EVA1A: variants seen among roughly 807,000 people sequenced by gnomAD.
EVA1A encodes the protein protein eva-1 homolog A.
EVA1A carries 7 observed loss-of-function variants against 9.8 expected under a neutral mutation model. The observed-to-expected ratio is 0.71, with a 90% CI of 0.41 to 1.34. The LOEUF (loss-of-function observed/expected upper bound fraction) is 1.34. Ranked by LOEUF, EVA1A falls within the 40% of genes most tolerant of loss-of-function variation. EVA1A has a pLI of 0.01. For missense variants in EVA1A, 206 were observed against 205.9 expected (o/e 1.00, Z 0.00); for synonymous variants, 90 against 85.6 (o/e 1.05, Z -0.28).
intron 1 of EVA1A, among the ~76,000 whole-genome samples, chr2:75,538,797 A>T (rs1676008800): frequency 6.6e-6 from 1 of 152,256 alleles, no homozygotes; most frequent in African/African-American, 2.4e-5. Flanking sequence ...TGACAAAATT[A>T]TAGAAATAGG....
chr2:75,559,295 A>T (rs1038948912), intron 1 of EVA1A, among the ~76,000 whole-genome samples: 1 of 152,212 alleles, frequency 6.6e-6, no homozygotes, highest in Non-Finnish European at 1.5e-5. Context: ...ACATTGCTGG[A>T]TGTCACTTGG....
chr2:75,555,625 G>A (rs906772406), intron 1 of EVA1A, among the ~76,000 whole-genome samples: 1 of 152,102 alleles, frequency 6.6e-6, no homozygotes, highest in Non-Finnish European at 1.5e-5. Flanking sequence ...GAGGAAACAA[G>A]GCCAGCAGAG....
intron 1 of EVA1A, among the ~76,000 whole-genome samples, chr2:75,567,817 T>G (rs977570721): frequency 2.0e-5 from 3 of 152,222 alleles, no homozygotes; most frequent in Non-Finnish European, 4.4e-5. Flanking sequence ...GTCGGTCTCC[T>G]GTGTCTGAAC....
chr2:75,529,255 C>T (rs933428442), intron 1 of EVA1A, among the ~76,000 whole-genome samples: 1 of 152,136 alleles, frequency 6.6e-6, no homozygotes, highest in African/African-American at 2.4e-5. Context: ...AAGACAATTA[C>T]CACCTGACCT....
At chr2:75,503,294 GC>G (rs1174117211) in intron 3 of EVA1A, among the ~76,000 whole-genome samples, 2 of 152,126 alleles carry the variant, frequency 1.3e-5, no homozygotes, top group East Asian at 3.8e-4. Context: ...CTTCCTCTTG[GC>G]CAGTGATCCA....
chr2:75,569,373 GCTC>G lies in EVA1A; in HGVS notation c.-192+100_-192+102del, dbSNP rs1005748913. ...TCCCCCATGGCTGCCTCCTGCTAAT[GCTC>G]CTCATCTCCCTGCAGTACTTGCTGC... On this transcript the variant is annotated intron_variant, in intron 1 of 3. Transcript: ENST00000233712. The G allele has an allele frequency of 1.4e-4, 21 of 152,452 alleles. 1 individual carries two copies. The highest frequency in any genetic ancestry group is 2.9e-5 in the Non-Finnish European group (2 of 68,068). The allele number at this position is 152,452 out of a possible 1,614,324, so 9.4% of individuals were successfully genotyped here.
At chr2:75,547,919 A>G (rs1198329777) in intron 1 of EVA1A, among the ~76,000 whole-genome samples, 1 of 152,212 alleles carries the variant, frequency 6.6e-6, no homozygotes, top group East Asian at 1.9e-4. Context: ...ACTCATTTGC[A>G]TATTGTCTGT....
At chr2:75,543,284 T>C (rs1224342237) in intron 1 of EVA1A, among the ~76,000 whole-genome samples, 1 of 152,110 alleles carries the variant, frequency 6.6e-6, no homozygotes, top group Non-Finnish European at 1.5e-5. Flanking sequence ...CTATTCCTAA[T>C]CAGTGGGGCT....
chr2:75,521,625 T>C (rs1439597241), intron 2 of EVA1A, among the ~76,000 whole-genome samples: 3 of 152,212 alleles, frequency 2.0e-5, no homozygotes, highest in Admixed American at 6.5e-5. Context: ...AGTGGTCATA[T>C]TCATAGAGAC....
Position 75,500,674 on chromosome 2 carries a change from C to G in EVA1A, c.86-7065G>C, listed in dbSNP as rs116230261. Among the ~76,000 whole-genome samples, 284 of 152,158 alleles carry G rather than the reference C, an allele frequency of 1.9e-3. 6 individuals are homozygous for G. Among genetic ancestry groups the G allele is most frequent in the African/African-American group, 6.6e-3 (275 of 41,532 alleles). On this transcript the variant is annotated intron_variant, in intron 3 of 3. Coordinates refer to ENST00000393913, the MANE Select transcript of EVA1A (RefSeq NM_001135032.2). ...CGATCTCATTCTCTTTTATCTCAAA[C>G]AGCAAGTTCTCTCTCTTACCTCTCT...
chr2:75,550,566 G>A (rs999352704), intron 1 of EVA1A, among the ~76,000 whole-genome samples: 1 of 152,180 alleles, frequency 6.6e-6, no homozygotes, highest in Admixed American at 6.5e-5. Context: ...GTGATATACT[G>A]AACGCACCTG....
At chr2:75,510,292 T>A (rs1674764580) in intron 3 of EVA1A, among the ~76,000 whole-genome samples, 2 of 152,168 alleles carry the variant, frequency 1.3e-5, no homozygotes, top group South Asian at 4.1e-4. Context: ...AATTTACAAA[T>A]TATATATATT....
intron 1 of EVA1A, among the ~76,000 whole-genome samples, chr2:75,567,474 C>T (rs1271077864): frequency 1.3e-5 from 2 of 152,132 alleles, no homozygotes; most frequent in Non-Finnish European, 2.9e-5. Context: ...AGTTGTCAAC[C>T]TGAGAAATTA....
chr2:75,549,124 C>A (rs1046912040), intron 1 of EVA1A, among the ~76,000 whole-genome samples: 6 of 151,754 alleles, frequency 4.0e-5, no homozygotes, highest in Admixed American at 3.9e-4. Flanking sequence ...CACCCTGCCA[C>A]AATCCAGAAG....
chr2:75,496,671 G>GA (rs903329603), intron 3 of EVA1A, among the ~76,000 whole-genome samples: 16 of 150,114 alleles, frequency 1.1e-4, no homozygotes, highest in Non-Finnish European at 1.6e-4. Context: ...CACAGAATTA[G>GA]AAAAAAAAAT....
chr2:75,514,774 CA>C (rs1674946022), intron 3 of EVA1A, among the ~76,000 whole-genome samples: 1 of 152,140 alleles, frequency 6.6e-6, no homozygotes, highest in African/African-American at 2.4e-5. Flanking sequence ...ATCATCCTCA[CA>C]GTAAAATTTC....
intron 1 of EVA1A, among the ~76,000 whole-genome samples, chr2:75,532,526 T>G (rs2058568): frequency 0.53 from 81,214 of 151,938 alleles, 23,474 homozygotes; most frequent in African/African-American, 0.77. Context: ...AGGAGGCAGA[T>G]GAAACAATGA....
chr2:75,511,876 T>A (rs1278078443), intron 3 of EVA1A, among the ~76,000 whole-genome samples: 1 of 151,960 alleles, frequency 6.6e-6, no homozygotes, highest in Non-Finnish European at 1.5e-5. Context: ...AACAAATAAA[T>A]AAAATATATA....
At chr2:75,520,867 C>A (rs567616641) in intron 2 of EVA1A, among the ~76,000 whole-genome samples, 10 of 152,124 alleles carry the variant, frequency 6.6e-5, no homozygotes, top group Non-Finnish European at 1.2e-4. Context: ...AAATTAAAAA[C>A]TTCTGTGCAT....
Sources: gnomAD v4.1 joint callset for allele counts (sites outside exome capture counted in the v4.1 genomes callset) on GRCh38, gnomAD v4.1.1 for gene constraint, MANE v1.5 for transcripts, NCBI Gene and HGNC (gene_info 2026-07-23, HGNC 2026-07-21) for gene names.